CTNNA3: variants seen among roughly 807,000 people sequenced by gnomAD.
CTNNA3 encodes the protein catenin alpha 3.
A neutral mutation model predicts 95.7 loss-of-function variants in CTNNA3; 76 were observed. The observed-to-expected ratio is 0.79, with a 90% CI of 0.66 to 0.96. The LOEUF (loss-of-function observed/expected upper bound fraction) is 0.96, where lower values mean the gene tolerates loss of function less well. Among genes scored for constraint, CTNNA3 ranks in the 40% least tolerant of loss-of-function variants. The probability of loss-of-function intolerance (pLI) is 0.00; values close to 1 mark genes in which losing one functional copy is unlikely to be tolerated. For missense variants in CTNNA3, 1,191 were observed against 1,089.8 expected (o/e 1.09, Z -1.31); for synonymous variants, 431 against 374.4 (o/e 1.15, Z -1.74).
At chr10:66,658,535 C>G (rs979681150) in intron 9 of CTNNA3, among the ~76,000 whole-genome samples, 1 of 152,082 alleles carries the variant, frequency 6.6e-6, no homozygotes, top group Non-Finnish European at 1.5e-5. Context: ...TCTGTGTTAT[C>G]ACATAATTTT....
chr10:66,473,622 C>T (rs1839213842), intron 11 of CTNNA3, among the ~76,000 whole-genome samples: 1 of 151,984 alleles, frequency 6.6e-6, no homozygotes, highest in African/African-American at 2.4e-5. Context: ...CCCATTAACT[C>T]GTCATTTACA....
chr10:66,860,947 T>A (rs1843896800), intron 7 of CTNNA3, among the ~76,000 whole-genome samples: 1 of 152,230 alleles, frequency 6.6e-6, no homozygotes, highest in South Asian at 2.1e-4. Flanking sequence ...GATCAGATTC[T>A]AATTATCTTT....
At chr10:66,092,415 T>C (rs2081245377) in intron 14 of CTNNA3, among the ~76,000 whole-genome samples, 1 of 151,120 alleles carries the variant, frequency 6.6e-6, no homozygotes, top group Non-Finnish European at 1.5e-5. Flanking sequence ...AAATGTCTTA[T>C]GATGGTTTAT....
At chr10:66,416,471 A>G (rs1210635263) in intron 11 of CTNNA3, among the ~76,000 whole-genome samples, 1 of 152,058 alleles carries the variant, frequency 6.6e-6, no homozygotes, top group Non-Finnish European at 1.5e-5. Flanking sequence ...CCAAACAGAC[A>G]CAATACAAAA....
At chr10:66,411,503 AT>A (rs1328082346) in intron 11 of CTNNA3, among the ~76,000 whole-genome samples, 1 of 151,956 alleles carries the variant, frequency 6.6e-6, no homozygotes. Context: ...CCATGAGGTA[AT>A]TTTTTATATA....
In CTNNA3 at chr10:66,648,493, T is replaced by TA. The variant is rs35354655; in HGVS notation, c.1282-26710dup. ...AGCTATGAATTGTAGCCATGATCTC[T>TA]AAAAAAGAGTCGAATATGCGAATCC... On this transcript the variant is annotated intron_variant, in intron 9 of 17. Coordinates refer to ENST00000433211, the MANE Select transcript of CTNNA3 (RefSeq NM_013266.4). 7.2e-4 allele frequency among the ~76,000 whole-genome samples: 110 copies of TA among 152,298 alleles called. 1 individual carries two copies. The highest frequency in any genetic ancestry group is 2.6e-3 in the African/African-American group (107 of 41,574).
chr10:67,403,911 T>A (rs1845028115), intron 5 of CTNNA3, among the ~76,000 whole-genome samples: 1 of 152,030 alleles, frequency 6.6e-6, no homozygotes, highest in African/African-American at 2.4e-5. Context: ...TACCTACAGG[T>A]ACTGAAAAAA....
chr10:66,229,573 T>G (rs2089483878), intron 13 of CTNNA3, among the ~76,000 whole-genome samples: 1 of 152,104 alleles, frequency 6.6e-6, no homozygotes, highest in East Asian at 1.9e-4. Context: ...GCCTGTAAGG[T>G]TTCTGCTGAG....
intron 5 of CTNNA3, among the ~76,000 whole-genome samples, chr10:67,256,324 C>T (rs1242240443): frequency 6.6e-6 from 1 of 152,072 alleles, no homozygotes; most frequent in Non-Finnish European, 1.5e-5. Context: ...GATTGTATAC[C>T]AAGATTATGC....
chr10:66,030,758 G>T (rs2079433854), intron 15 of CTNNA3, among the ~76,000 whole-genome samples: 1 of 152,086 alleles, frequency 6.6e-6, no homozygotes, highest in Admixed American at 6.6e-5. Flanking sequence ...ATTACCAACA[G>T]ATAACCTACA....
At position 66,103,180 on chromosome 10, in the gene CTNNA3, G is replaced by T. The variant is rs2081720596; in HGVS notation, c.1954C>A (p.Gln652Lys). ...EHEVRSHTSI[Q>K]TEGKTDRAKM... ...ACCCTATCAGTTTTCCCTTCGGTCT[G>T]AATGCTGGTGTGACTGCGGACCTCG... The change falls in exon 14 of 18, where the codon CAG becomes AAG. Residue 652 changes from glutamine (Q) to lysine (K), a missense_variant. By Grantham distance (53) the Gln-to-Lys change is moderately conservative. Coordinates refer to ENST00000433211, the MANE Select transcript of CTNNA3 (RefSeq NM_013266.4). 2.5e-6 allele frequency: 4 copies of T among 1,613,972 alleles called. No homozygotes were observed. Among genetic ancestry groups the T allele is most frequent in the Non-Finnish European group, 3.4e-6 (4 of 1,179,868 alleles).
chr10:67,016,358 T>C (rs1053332454), intron 7 of CTNNA3, among the ~76,000 whole-genome samples: 47 of 152,164 alleles, frequency 3.1e-4, no homozygotes, highest in African/African-American at 1.1e-3. Context: ...TTGAAAGTAG[T>C]TCTTCCCTCG....
At chr10:66,701,659 T>A (rs1847946980) in intron 9 of CTNNA3, among the ~76,000 whole-genome samples, 1 of 152,194 alleles carries the variant, frequency 6.6e-6, no homozygotes, top group Non-Finnish European at 1.5e-5. Context: ...TAATGATACA[T>A]GTAAATACTA....
intron 9 of CTNNA3, among the ~76,000 whole-genome samples, chr10:66,737,878 C>T (rs140906379): frequency 6.5e-4 from 99 of 152,146 alleles, no homozygotes; most frequent in Middle Eastern, 3.4e-3. Context: ...AGGATAGTCT[C>T]GATCTCGTGA....
intron 8 of CTNNA3, among the ~76,000 whole-genome samples, chr10:66,774,165 G>A (rs932917560): frequency 1.3e-5 from 2 of 152,076 alleles, no homozygotes; most frequent in Non-Finnish European, 2.9e-5. Context: ...CAATATAGAG[G>A]GAAAAGACAC....
At chr10:65,974,941 G>A (rs2078183343) in intron 16 of CTNNA3, among the ~76,000 whole-genome samples, 1 of 151,906 alleles carries the variant, frequency 6.6e-6, no homozygotes, top group Admixed American at 6.6e-5. Context: ...GACCTAAACT[G>A]CAAATTAAAA....
At chr10:66,165,914 C>A (rs1282393366) in intron 13 of CTNNA3, among the ~76,000 whole-genome samples, 2 of 151,762 alleles carry the variant, frequency 1.3e-5, no homozygotes, top group African/African-American at 2.4e-5. Context: ...ATTACAGGCA[C>A]CTGCCACCAC....
At chr10:66,951,649 CT>C (rs869078244) in intron 7 of CTNNA3, among the ~76,000 whole-genome samples, 2 of 142,648 alleles carry the variant, frequency 1.4e-5, no homozygotes, top group African/African-American at 5.3e-5. Flanking sequence ...CTTAACCACA[CT>C]ATTGGCTTTT....
intron 14 of CTNNA3, among the ~76,000 whole-genome samples, chr10:66,082,828 G>T (rs2080814641): frequency 6.6e-6 from 1 of 152,052 alleles, no homozygotes; most frequent in South Asian, 2.1e-4. Flanking sequence ...TCAGTCATTG[G>T]CATCCTGTCT....
Sources: allele counts gnomAD v4.1 joint callset (sites outside exome capture counted in the v4.1 genomes callset), GRCh38; gene constraint gnomAD v4.1.1; transcripts MANE v1.5; gene names NCBI Gene and HGNC (gene_info 2026-07-23, HGNC 2026-07-21).